The following CSNK2A2 variants were observed in gnomAD, a reference collection of about 807,000 sequenced individuals.
CSNK2A2 encodes casein kinase II subunit alpha'.
A neutral mutation model predicts 54.0 loss-of-function variants in CSNK2A2; 8 were observed. That is an observed-to-expected ratio of 0.15 (90% CI 0.09 to 0.27). The LOEUF is 0.27. Ranked by LOEUF, CSNK2A2 falls within the 10% of genes least tolerant of loss-of-function variation. The probability of loss-of-function intolerance (pLI) is 1.00; values close to 1 mark genes in which losing one functional copy is unlikely to be tolerated. For synonymous variants in CSNK2A2, 141 were observed against 153.9 expected (o/e 0.92, Z 0.62); for missense variants, 242 against 439.4 (o/e 0.55, Z 4.02).
chr16:58,164,879 A>C (rs1005857015), intron 10 of CSNK2A2, among the ~76,000 whole-genome samples: 3 of 152,234 alleles, frequency 2.0e-5, no homozygotes, highest in Non-Finnish European at 4.4e-5. Flanking sequence ...TTGTTAAGCC[A>C]GAGACAACGA....
chr16:58,190,641 TA>T (rs533571034), intron 2 of CSNK2A2, among the ~76,000 whole-genome samples: 29 of 152,016 alleles, frequency 1.9e-4, no homozygotes, highest in Non-Finnish European at 4.0e-4. Flanking sequence ...TCTCAGGAGT[TA>T]AAAAAAATTA....
At chr16:58,168,739 A>T in intron 5 of CSNK2A2, 46 bp from the exon 6 acceptor site, 1 of 1,411,264 alleles carries the variant, frequency 7.1e-7, no homozygotes, top group Non-Finnish European at 1.0e-6. Flanking sequence ...CCCCTCTACC[A>T]TCCCCCAACG....
chr16:58,187,871 C>T (rs1050802812), intron 2 of CSNK2A2, among the ~76,000 whole-genome samples: 2 of 152,250 alleles, frequency 1.3e-5, no homozygotes, highest in South Asian at 2.1e-4. Context: ...GCATGCTATA[C>T]TCTTGCCACA....
intron 4 of CSNK2A2, among the ~76,000 whole-genome samples, chr16:58,175,395 C>T (rs1268727874): frequency 6.6e-6 from 1 of 152,192 alleles, no homozygotes; most frequent in Non-Finnish European, 1.5e-5. Flanking sequence ...AAGAAACACA[C>T]CTTTATTAAA....
chr16:58,169,793 G>A (rs929293488), intron 5 of CSNK2A2, among the ~76,000 whole-genome samples: 3 of 152,098 alleles, frequency 2.0e-5, no homozygotes, highest in Admixed American at 2.0e-4. Context: ...GCTCATGCCT[G>A]TAATCCCAGA....
chr16:58,169,008 G>C (rs1205985960), intron 5 of CSNK2A2, among the ~76,000 whole-genome samples: 2 of 151,674 alleles, frequency 1.3e-5, no homozygotes, highest in African/African-American at 2.4e-5. Context: ...CTCACTGCAA[G>C]CTCTGCCTCC....
intron 5 of CSNK2A2, among the ~76,000 whole-genome samples, chr16:58,171,979 ATTTTTTTT>A (rs746200172): frequency 2.1e-4 from 14 of 66,182 alleles, no homozygotes; most frequent in African/African-American, 5.8e-4. Flanking sequence ...ATATATATAT[ATTTTTTTT>A]TTTTTTTTTT....
intron 2 of CSNK2A2, among the ~76,000 whole-genome samples, chr16:58,195,176 A>C (rs1962404438): frequency 7.5e-6 from 1 of 132,916 alleles, no homozygotes; most frequent in East Asian, 3.1e-4. Context: ...TTTTCCTGTG[A>C]CTTAAAAAAA....
At chr16:58,187,766 G>A (rs972070258) in intron 2 of CSNK2A2, among the ~76,000 whole-genome samples, 3 of 152,202 alleles carry the variant, frequency 2.0e-5, no homozygotes, top group Non-Finnish European at 4.4e-5. Flanking sequence ...TCCTCACAAA[G>A]TCCTTATGTA....
chr16:58,171,845 T>C, intron 5 of CSNK2A2, among the ~76,000 whole-genome samples: 1 of 149,910 alleles, frequency 6.7e-6, no homozygotes, highest in Admixed American at 6.6e-5. Flanking sequence ...TAGAGTGCAG[T>C]GGCATGATCT....
At chr16:58,176,935 T>G (rs779129588) in intron 4 of CSNK2A2, among the ~76,000 whole-genome samples, 21 of 152,204 alleles carry the variant, frequency 1.4e-4, no homozygotes, top group Non-Finnish European at 3.1e-4. Flanking sequence ...TCCCTGTGCT[T>G]CGTGGCATAC....
chr16:58,164,851 G>C (rs1961518522), intron 10 of CSNK2A2, among the ~76,000 whole-genome samples: 5 of 152,216 alleles, frequency 3.3e-5, no homozygotes, highest in Admixed American at 2.6e-4. Flanking sequence ...AATCAAAGGA[G>C]AGGGAAAGAC....
chr16:58,165,331 A>C (rs1312854991), intron 10 of CSNK2A2, among the ~76,000 whole-genome samples: 3 of 152,262 alleles, frequency 2.0e-5, no homozygotes, highest in African/African-American at 7.2e-5. Flanking sequence ...GGGAGTAGTC[A>C]AACAGCTTGA....
chr16:58,194,849 A>G (rs567582046), intron 2 of CSNK2A2, among the ~76,000 whole-genome samples: 2 of 152,200 alleles, frequency 1.3e-5, no homozygotes, highest in Admixed American at 1.3e-4. Context: ...AGCTCTTTGG[A>G]TGATGAAGCA....
intron 2 of CSNK2A2, among the ~76,000 whole-genome samples, chr16:58,188,238 C>T (rs889042155): frequency 1.3e-5 from 2 of 152,236 alleles, no homozygotes; most frequent in East Asian, 3.8e-4. Flanking sequence ...TGTGAGCCAG[C>T]TGCCATGATG....
chr16:58,167,963 T>A (rs900203243), intron 6 of CSNK2A2, among the ~76,000 whole-genome samples, 168 bp from the exon 7 acceptor site: 1 of 152,230 alleles, frequency 6.6e-6, no homozygotes, highest in Non-Finnish European at 1.5e-5. Context: ...AGGTCATTTT[T>A]AGAGCAGAAC....
chr16:58,176,576 C>T (rs1431046198), intron 4 of CSNK2A2, among the ~76,000 whole-genome samples: 2 of 152,164 alleles, frequency 1.3e-5, no homozygotes, highest in Non-Finnish European at 2.9e-5. Context: ...GTCTGGCTTC[C>T]TCCGACTTTT....
chr16:58,165,502 G>C, intron 10 of CSNK2A2, 58 bp downstream of exon 10: 1 of 1,494,750 alleles, frequency 6.7e-7, no homozygotes, highest in Non-Finnish European at 9.0e-7. Flanking sequence ...AAGACAAAGA[G>C]TGGAAGATTT....
chr16:58,167,802 A>G lies in CSNK2A2; in HGVS notation c.514-7T>C, dbSNP rs763320932. On this transcript the variant is annotated splice_polypyrimidine_tract_variant and splice_region_variant and intron_variant, in intron 6 of 11. Transcript: ENST00000262506. ...CCCAATCTATCAGTCGCAGCTACAA[A>G]TAGGACAGAAAAAAACATGTGAAAG... is the stretch of plus-strand genomic sequence containing the variant. 6.2e-7 allele frequency: 1 copy of G among 1,610,472 alleles called. No individual in the cohort carries two copies. Among genetic ancestry groups the G allele is most frequent in the Non-Finnish European group, 8.5e-7 (1 of 1,176,698 alleles).
Sources: gnomAD v4.1 joint callset for allele counts (sites outside exome capture counted in the v4.1 genomes callset) on GRCh38, gnomAD v4.1.1 for gene constraint, MANE v1.5 for transcripts, NCBI Gene and HGNC (gene_info 2026-07-23, HGNC 2026-07-21) for gene names.